The following SZRD1 variants were observed in gnomAD, a reference collection of about 807,000 sequenced individuals.
SZRD1 encodes the protein SUZ RNA binding domain containing 1.
Under a neutral mutation model 17.6 loss-of-function variants are expected in SZRD1, and 7 were observed. The observed-to-expected ratio is 0.40, with a 90% confidence interval of 0.23 to 0.75. The LOEUF is 0.75. Ranked by LOEUF, SZRD1 falls within the 30% of genes least tolerant of loss-of-function variation. SZRD1 has a pLI of 0.38. For missense variants in SZRD1, 178 were observed against 201.8 expected, an observed-to-expected ratio of 0.88 and a Z score of 0.71; for synonymous variants, 77 against 77.9, an observed-to-expected ratio of 0.99 and a Z score of 0.06.
chr1:16,367,702 T>G (rs1006310043), intron 1 of SZRD1: 2 of 216,230 alleles, frequency 9.2e-6, no homozygotes, highest in Non-Finnish European at 1.8e-5. Flanking sequence ...ACCATGTGGG[T>G]GGTGGTGGGG....
chr1:16,369,899 C>CAAAAAAAAAAAA, intron 1 of SZRD1, among the ~76,000 whole-genome samples: 1 of 136,252 alleles, frequency 7.3e-6, no homozygotes, highest in Non-Finnish European at 1.6e-5. Flanking sequence ...AAAAAAAAAA[C>CAAAAAAAAAAAA]AAAAAAAAAA....
chr1:16,388,191 G>T (rs2085159128), intron 1 of SZRD1, among the ~76,000 whole-genome samples: 1 of 152,138 alleles, frequency 6.6e-6, no homozygotes, highest in African/African-American at 2.4e-5. Context: ...TCGGCTCACT[G>T]CAACCTCCGT....
intron 1 of SZRD1, among the ~76,000 whole-genome samples, chr1:16,380,365 C>G (rs1037562326): frequency 2.6e-5 from 4 of 151,860 alleles, no homozygotes; most frequent in Non-Finnish European, 5.9e-5. Flanking sequence ...AGTGCAGTGG[C>G]ATGATCTCAG....
intron 1 of SZRD1, among the ~76,000 whole-genome samples, chr1:16,374,661 A>C (rs1440689213): frequency 6.6e-6 from 1 of 151,756 alleles, no homozygotes; most frequent in Non-Finnish European, 1.5e-5. Flanking sequence ...TCCAGTTTCC[A>C]CCTCTCCACT....
In SZRD1 at chr1:16,393,760, GCA is replaced by G. The variant is rs2085256696; in HGVS notation, c.356+281_356+282del. 6.6e-6 allele frequency among the ~76,000 whole-genome samples: 1 copy of G among 152,172 alleles called. No individual in the cohort carries two copies. The highest frequency in any genetic ancestry group is 1.5e-5 in the Non-Finnish European group (1 of 68,030). On this transcript the variant is annotated intron_variant, in intron 3 of 3. Transcript: ENST00000401088. The surrounding 1 kb of genome is among the most constrained non-coding windows in gnomAD (Gnocchi z 5.6). ...GGGCACTGTTGTGTAGAGAGTGAAG[GCA>G]CAGATGAGCTTGTGTCAAAATCTGC...
rs371147398 is a variant in SZRD1 at position 16,393,426 on chromosome 1, G to A, written c.300G>A (p.Lys100=). ...AGGCCGAGTACGCCGAGGCCCGGAA[G>A]CGGATCCTGGGCAGCGCCAGCCCCG... ...QREAEYAEAR[K]RILGSASPEE... The change falls in exon 3 of 4, where the codon AAG becomes AAA. Residue 100 remains lysine (K), a synonymous_variant. Transcript: ENST00000401088. The surrounding 1 kb of genome is among the most constrained non-coding windows in gnomAD (Gnocchi z 5.6). The A allele has an allele frequency of 1.2e-6, 2 of 1,614,134 alleles. No homozygotes were observed. The highest frequency in any genetic ancestry group is 1.7e-6 in the Non-Finnish European group (2 of 1,180,028).
intron 1 of SZRD1, among the ~76,000 whole-genome samples, chr1:16,389,135 GTGCAGTGGCACGATCTCAGCTCAC>G (rs1286738381): frequency 3.4e-5 from 5 of 146,320 alleles, no homozygotes; most frequent in Admixed American, 6.9e-5. Context: ...CCAGGCTGGA[GTGCAGTGGCACGATCTCAGCTCAC>G]TGCAAGCTCC....
intron 1 of SZRD1, among the ~76,000 whole-genome samples, chr1:16,387,965 CGTTCTCTTATTATTG>C (rs2085154813): frequency 6.6e-6 from 1 of 152,126 alleles, no homozygotes; most frequent in Non-Finnish European, 1.5e-5. Flanking sequence ...ACATCCAGGT[CGTTCTCTTATTATTG>C]GTGTACCTTT....
intron 1 of SZRD1, among the ~76,000 whole-genome samples, chr1:16,369,830 A>G (rs986960514): frequency 6.6e-6 from 1 of 150,516 alleles, no homozygotes; most frequent in Non-Finnish European, 1.5e-5. Flanking sequence ...CGGAGGTTGC[A>G]GTGAGCCGAG....
chr1:16,375,214 C>A (rs2082979770), intron 1 of SZRD1, among the ~76,000 whole-genome samples: 1 of 152,106 alleles, frequency 6.6e-6, no homozygotes, highest in Non-Finnish European at 1.5e-5. Flanking sequence ...TCCTACCAAG[C>A]ATCCTTCTCT....
chr1:16,378,846 C>T (rs1416656532), intron 1 of SZRD1, among the ~76,000 whole-genome samples: 1 of 151,946 alleles, frequency 6.6e-6, no homozygotes, highest in Non-Finnish European at 1.5e-5. Flanking sequence ...CCTGCCTGAG[C>T]CTCCCGAGTA....
intron 1 of SZRD1, among the ~76,000 whole-genome samples, chr1:16,374,757 G>A (rs36090430): frequency 0.027 from 4,112 of 152,268 alleles, 186 homozygotes; most frequent in African/African-American, 0.092. Context: ...GAAAACTACT[G>A]ACCTGTTGGT....
intron 1 of SZRD1, among the ~76,000 whole-genome samples, chr1:16,385,042 A>AAT (rs2083165644): frequency 6.6e-6 from 1 of 152,344 alleles, no homozygotes; most frequent in African/African-American, 2.4e-5. Context: ...AAGTTACTTA[A>AAT]ATGGTAACCT....
chr1:16,377,098 C>T (rs536580969), intron 1 of SZRD1, among the ~76,000 whole-genome samples: 1 of 152,304 alleles, frequency 6.6e-6, no homozygotes, highest in South Asian at 2.1e-4. Flanking sequence ...TCCATTCTGC[C>T]TGCTTTAGCC....
intron 1 of SZRD1, among the ~76,000 whole-genome samples, chr1:16,375,758 G>A (rs2082992251): frequency 1.3e-5 from 2 of 152,132 alleles, no homozygotes; most frequent in Admixed American, 1.3e-4. Context: ...TAATAAATAT[G>A]TACAGCTAAA....
intron 1 of SZRD1, chr1:16,367,891 G>GGGCA (rs1355980892): frequency 1.3e-5 from 2 of 152,512 alleles, no homozygotes; most frequent in Non-Finnish European, 2.9e-5. Flanking sequence ...AAGAGTTTGT[G>GGGCA]GGCAGGCAGG....
intron 1 of SZRD1, among the ~76,000 whole-genome samples, chr1:16,379,794 T>C (rs1297550676): frequency 7.0e-6 from 1 of 143,252 alleles, no homozygotes; most frequent in African/African-American, 2.5e-5. Context: ...GAAGTCTCGC[T>C]CTGTTGCCCA....
At chr1:16,371,531 G>A (rs1183297632) in intron 1 of SZRD1, among the ~76,000 whole-genome samples, 8 of 147,390 alleles carry the variant, frequency 5.4e-5, no homozygotes, top group East Asian at 2.0e-4. Context: ...GCGCAATCTC[G>A]GCTCATTGCA....
intron 1 of SZRD1, among the ~76,000 whole-genome samples, chr1:16,369,837 C>T (rs1018495614): frequency 5.4e-5 from 8 of 149,068 alleles, no homozygotes; most frequent in African/African-American, 1.7e-4. Flanking sequence ...TGCAGTGAGC[C>T]GAGATCATGC....
Sources: allele counts gnomAD v4.1 joint callset (sites outside exome capture counted in the v4.1 genomes callset), GRCh38; gene constraint gnomAD v4.1.1; non-coding constraint Gnocchi (gnomAD v3.1); transcripts MANE v1.5; gene names NCBI Gene and HGNC (gene_info 2026-07-23, HGNC 2026-07-21).